KIAA0232: variants seen among roughly 807,000 people sequenced by gnomAD.
The protein encoded by KIAA0232 is uncharacterized protein KIAA0232.
KIAA0232 carries 27 observed loss-of-function variants against 122.0 expected under a neutral mutation model. The ratio of observed to expected loss-of-function variants is 0.22; its 90% confidence interval spans 0.16 to 0.31. The LOEUF is 0.31. Ranked by LOEUF, KIAA0232 falls within the 10% of genes least tolerant of loss-of-function variation. The pLI, the probability that KIAA0232 is intolerant of heterozygous loss-of-function variation, is 1.00. For synonymous variants in KIAA0232, 613 were observed against 587.6 expected (o/e 1.04, Z -0.63); for missense variants, 1,551 against 1,634.2 (o/e 0.95, Z 0.88).
At chr4:6,827,577 C>A (rs887633581) in intron 3 of KIAA0232, among the ~76,000 whole-genome samples, 4 of 152,206 alleles carry the variant, frequency 2.6e-5, no homozygotes, top group Non-Finnish European at 5.9e-5. Context: ...TAGCCATGAG[C>A]GGCCAGTTTG....
chr4:6,824,398 A>G lies in KIAA0232; in HGVS notation c.-56A>G, dbSNP rs1718569911. The G allele has an allele frequency of 1.5e-6, 2 of 1,378,826 alleles. No individual in the cohort carries two copies. The highest frequency in any genetic ancestry group is 3.4e-5 in the Admixed American group (2 of 59,586). The allele number at this position is 1,378,826 out of a possible 1,614,324, so 85.4% of individuals were successfully genotyped here. A position where few individuals can be genotyped will look rare whatever the true frequency, so the allele number is the denominator to read the frequency against. On this transcript the variant is annotated 5_prime_UTR_variant, in exon 3 of 10. Coordinates refer to ENST00000307659, the MANE Select transcript of KIAA0232 (RefSeq NM_014743.3). ...GTGAAAATCCCCTCCAGATACCAACAGAATATCAACTGCAGAAAATGCTTC... is the reference window on the plus strand; with the variant it reads ...GTGAAAATCCCCTCCAGATACCAACGGAATATCAACTGCAGAAAATGCTTC...
rs768809219 is a variant in KIAA0232 at position 6,864,131 on chromosome 4, G to A, written c.3749G>A (p.Cys1250Tyr). Reference protein sequence around the residue: ...INNFCGCKAGCQFPAYEDNPV... With the variant: ...INNFCGCKAGYQFPAYEDNPV... ...AATTTTTGTGGTTGCAAAGCAGGTT[G>A]TCAGTTTCCTGCTTATGAAGATAAT... is the stretch of plus-strand genomic sequence containing the variant. The change falls in exon 7 of 10, where the codon TGT (cysteine) becomes TAT (tyrosine). Residue 1250 changes from cysteine (C) to tyrosine (Y), a missense_variant. Cys to Tyr is a radical substitution (Grantham distance 194). Around this residue, in one of 5 missense-constraint regions of KIAA0232, gnomAD observed 1,108 missense variants for 1,154.8 expected, o/e 0.96. Transcript: ENST00000307659. The A allele has an allele frequency of 4.3e-6, 7 of 1,614,130 alleles. 1 individual carries two copies. The South Asian group carries it at 6.6e-5, about 15-fold the overall frequency.
intron 4 of KIAA0232, among the ~76,000 whole-genome samples, chr4:6,851,676 A>T (rs550629014): frequency 6.8e-6 from 1 of 146,838 alleles, no homozygotes; most frequent in East Asian, 2.0e-4. Context: ...TGATCATACC[A>T]CTGCACTCCA....
In KIAA0232 at chr4:6,861,222, A is replaced by G. The variant is rs1560199642; in HGVS notation, c.840A>G (p.Glu280=). 1 of 1,614,160 alleles carries G rather than the reference A, an allele frequency of 6.2e-7. No individual in the cohort carries two copies. Among genetic ancestry groups the G allele is most frequent in the Non-Finnish European group, 8.5e-7 (1 of 1,180,050 alleles). The change falls in exon 7 of 10, where the codon GAA becomes GAG. Residue 280 remains glutamate, a synonymous_variant. Coordinates refer to ENST00000307659, the MANE Select transcript of KIAA0232 (RefSeq NM_014743.3). ...LYKKQIRHKP[E]GKIRPRSWSS... ...AAAAGCAAATCCGACATAAACCTGA[A>G]GGAAAGATTCGCCCTCGCTCGTGGT...
At position 6,845,670 on chromosome 4, in the gene KIAA0232, G is replaced by A. The variant is rs915485643; in HGVS notation, c.369+3466G>A. On this transcript the variant is annotated intron_variant, in intron 4 of 9. Coordinates refer to ENST00000307659, the MANE Select transcript of KIAA0232 (RefSeq NM_014743.3). ...CCAAAGAAGCTGCTGAGTTATAGTC[G>A]GAAAGAAAATATGGGTAGTGCAGGT... is the stretch of plus-strand genomic sequence containing the variant. 2.6e-5 allele frequency among the ~76,000 whole-genome samples: 4 copies of A among 152,002 alleles called. 1 individual carries two copies. The highest frequency in any genetic ancestry group is 4.1e-4 in the South Asian group (2 of 4,820).
chr4:6,814,141 A>G (rs1718006850), intron 2 of KIAA0232, among the ~76,000 whole-genome samples: 1 of 152,176 alleles, frequency 6.6e-6, no homozygotes, highest in African/African-American at 2.4e-5. Flanking sequence ...AACGTAGTTT[A>G]AATGTATGGA....
Position 6,861,354 on chromosome 4 carries a change from C to G in KIAA0232, c.972C>G (p.Asn324Lys). The change falls in exon 7 of 10, where the codon AAC (asparagine) becomes AAG (lysine). Residue 324 changes from asparagine to lysine, a missense_variant. Physicochemically the swap from Asn to Lys is moderately conservative, Grantham distance 94. Coordinates refer to ENST00000307659, the MANE Select transcript of KIAA0232 (RefSeq NM_014743.3). ...GACACAAGGCACGAGAGATTCGAAACAAAAAAGGGCGGAATGGGCAAAGCA... is the reference window on the plus strand; with the variant it reads ...GACACAAGGCACGAGAGATTCGAAAGAAAAAAGGGCGGAATGGGCAAAGCA... Reference protein sequence around the residue: ...KVRHKAREIRNKKGRNGQSRL... With the variant: ...KVRHKAREIRKKKGRNGQSRL... The G allele has an allele frequency of 6.2e-7, 1 of 1,613,952 alleles. No homozygotes were observed. Among genetic ancestry groups the G allele is most frequent in the Non-Finnish European group, 8.5e-7 (1 of 1,179,980 alleles).
At chr4:6,865,625 A>G (rs571965551) in intron 7 of KIAA0232, among the ~76,000 whole-genome samples, 1 of 152,230 alleles carries the variant, frequency 6.6e-6, no homozygotes, top group South Asian at 2.1e-4. Context: ...AAAGAGATGG[A>G]GGTGTTTAGA....
chr4:6,854,467 T>A (rs894616288), intron 4 of KIAA0232, among the ~76,000 whole-genome samples: 5 of 152,160 alleles, frequency 3.3e-5, no homozygotes, highest in African/African-American at 9.7e-5. Context: ...ACAGGGGTCG[T>A]CATAACCATT....
At chr4:6,823,841 T>A (rs1034051843) in intron 2 of KIAA0232, among the ~76,000 whole-genome samples, 10 of 152,266 alleles carry the variant, frequency 6.6e-5, no homozygotes, top group East Asian at 3.9e-4. Context: ...TAAGTTTTTT[T>A]AAAAATTTAT....
chr4:6,872,180 C>T (rs1721530028), intron 8 of KIAA0232, among the ~76,000 whole-genome samples: 1 of 152,128 alleles, frequency 6.6e-6, no homozygotes, highest in Non-Finnish European at 1.5e-5. Context: ...TGGAGGTTGT[C>T]AAGGTCAGAT....
chr4:6,865,662 A>C (rs537701138), intron 7 of KIAA0232, among the ~76,000 whole-genome samples: 41 of 152,334 alleles, frequency 2.7e-4, no homozygotes, highest in African/African-American at 9.4e-4. Context: ...GCCAGAGAGC[A>C]GATGAGTGTT....
intron 1 of KIAA0232, among the ~76,000 whole-genome samples, chr4:6,792,476 T>C (rs1244942759): frequency 6.6e-6 from 1 of 152,158 alleles, no homozygotes; most frequent in Admixed American, 6.5e-5. Context: ...TTTTACTACT[T>C]TTGTTAAGGC....
chr4:6,873,607 GT>G (rs2108838261), intron 8 of KIAA0232, among the ~76,000 whole-genome samples: 2 of 152,090 alleles, frequency 1.3e-5, no homozygotes, highest in South Asian at 4.1e-4. Flanking sequence ...CCTTAGTCCA[GT>G]TTTCTGTCAT....
intron 4 of KIAA0232, among the ~76,000 whole-genome samples, chr4:6,843,385 A>G (rs1019906647): frequency 6.6e-6 from 1 of 152,192 alleles, no homozygotes; most frequent in African/African-American, 2.4e-5. Flanking sequence ...GACAATCTGC[A>G]GAAGTTTATT....
At chr4:6,870,430 G>C (rs1399818027) in intron 7 of KIAA0232, among the ~76,000 whole-genome samples, 2 of 152,190 alleles carry the variant, frequency 1.3e-5, no homozygotes, top group African/African-American at 2.4e-5. Flanking sequence ...TTGTAATTTG[G>C]TTTTAGCCTT....
At chr4:6,838,305 C>G (rs1719455565) in intron 3 of KIAA0232, among the ~76,000 whole-genome samples, 1 of 151,980 alleles carries the variant, frequency 6.6e-6, no homozygotes, top group South Asian at 2.1e-4. Flanking sequence ...TCTCCCACCT[C>G]AGCCTTCCAA....
Position 6,883,272 on chromosome 4 carries a change from G to T in KIAA0232, c.*2306G>T, listed in dbSNP as rs962064112. ...TTCCTGGGCTGAGATTGTTTTTCCCGTGGTTGTATTGTTCTGATTTCACGT... is the reference window on the plus strand; with the variant it reads ...TTCCTGGGCTGAGATTGTTTTTCCCTTGGTTGTATTGTTCTGATTTCACGT... On this transcript the variant is annotated 3_prime_UTR_variant, in exon 10 of 10. Transcript: ENST00000307659. 2.6e-5 allele frequency: 4 copies of T among 152,532 alleles called. No homozygotes were observed. The highest frequency in any genetic ancestry group is 9.7e-5 in the African/African-American group (4 of 41,412). 9.4% of individuals were successfully genotyped at this position (152,532 alleles called of 1,614,324 possible). A position where few individuals can be genotyped will look rare whatever the true frequency, so the allele number is the denominator to read the frequency against.
chr4:6,864,748 A>AAAT (rs1484414472), intron 7 of KIAA0232, among the ~76,000 whole-genome samples: 1 of 151,502 alleles, frequency 6.6e-6, no homozygotes, highest in Admixed American at 6.6e-5. Context: ...AAAAAAAAAA[A>AAAT]AAAAAAAAAA....
Sources: allele counts gnomAD v4.1 joint callset (sites outside exome capture counted in the v4.1 genomes callset), GRCh38; gene constraint gnomAD v4.1.1; regional missense constraint gnomAD v4.1.1; transcripts MANE v1.5; gene names NCBI Gene and HGNC (gene_info 2026-07-23, HGNC 2026-07-21).